Variants in POLR3A observed in about 807,000 individuals in gnomAD.
POLR3A encodes the protein DNA-directed RNA polymerase III subunit RPC1.
POLR3A carries 112 observed loss-of-function variants against 152.8 expected under a neutral mutation model. The observed-to-expected ratio is 0.73, with a 90% CI of 0.63 to 0.86. POLR3A has a LOEUF of 0.86. Among genes scored for constraint, POLR3A ranks in the 40% least tolerant of loss-of-function variants. The pLI, the probability that POLR3A is intolerant of heterozygous loss-of-function variation, is 0.00. For missense variants in POLR3A, 1,385 were observed against 1,743.1 expected (o/e 0.79, Z 3.66); for synonymous variants, 615 against 652.1 (o/e 0.94, Z 0.87).
Position 78,029,485 on chromosome 10 carries a change from C to T in POLR3A, c.-78G>A, listed in dbSNP as rs892664130. ...ACGATGCCCCCAGCACCTCCTGGGG[C>T]TGCTTCTGGACTCGCCGCTAACACA... On this transcript the variant is annotated 5_prime_UTR_variant, in exon 1 of 31. Coordinates refer to ENST00000372371, the MANE Select transcript of POLR3A (RefSeq NM_007055.4). 10 of 1,477,444 alleles carry T rather than the reference C, an allele frequency of 6.8e-6. No individual in the cohort carries two copies. In the East Asian group the frequency reaches 6.8e-5, roughly 10 times the overall value. 91.5% of individuals were successfully genotyped at this position (1,477,444 alleles called of 1,614,324 possible).
chr10:78,013,858 T>C, intron 10 of POLR3A, 68 bp from the exon 11 acceptor site: 1 of 1,597,808 alleles, frequency 6.3e-7, no homozygotes, highest in Non-Finnish European at 8.6e-7. Flanking sequence ...TTCTCTGTTT[T>C]GAAACATTAA....
At chr10:78,012,561 T>G (rs1393267495) in intron 11 of POLR3A, among the ~76,000 whole-genome samples, 1 of 151,962 alleles carries the variant, frequency 6.6e-6, no homozygotes, top group Non-Finnish European at 1.5e-5. Flanking sequence ...GTTCCTAATA[T>G]AGGAAGCTGG....
chr10:77,979,119 TATCTTA>T (rs1422300384), intron 30 of POLR3A, among the ~76,000 whole-genome samples: 1 of 152,220 alleles, frequency 6.6e-6, no homozygotes, highest in African/African-American at 2.4e-5. Flanking sequence ...CACCCTTCTT[TATCTTA>T]AAGACTTATG....
In POLR3A at chr10:78,022,207, T is replaced by A; in HGVS notation, c.823A>T (p.Asn275Tyr). The stretch of plus-strand genomic sequence containing the variant: ...AGTTTCATTGTCAGATCATCTTCAT[T>A]GGTGCCAGACTTCAAATCACTCACA... ...SVVSDLKSGT[N>Y]EDDLTMKLTE... is the part of the protein sequence containing the mutation. The change falls in exon 6 of 31, where the codon AAT (asparagine) becomes TAT (tyrosine). Residue 275 changes from asparagine to tyrosine, a missense_variant. Physicochemically the swap from Asn to Tyr is moderately radical, Grantham distance 143 (BLOSUM62 -2). Transcript: ENST00000372371. The A allele has an allele frequency of 6.2e-7, 1 of 1,614,224 alleles. No homozygotes were observed. The highest frequency in any genetic ancestry group is 8.5e-7 in the Non-Finnish European group (1 of 1,180,018).
At chr10:78,022,066 G>C in intron 6 of POLR3A, 44 bp from the exon 7 acceptor site, 1 of 1,614,116 alleles carries the variant, frequency 6.2e-7, no homozygotes, top group Non-Finnish European at 8.5e-7. Context: ...TGGTCAGTTT[G>C]ATTTTTCTCA....
chr10:77,980,356 A>G, intron 29 of POLR3A, 83 bp from the exon 30 acceptor site: 1 of 1,324,340 alleles, frequency 7.6e-7, no homozygotes. Context: ...CCTTCAATAC[A>G]ATCAACAAAA....
chr10:77,988,610 G>A (rs1847219566), intron 21 of POLR3A, among the ~76,000 whole-genome samples: 1 of 152,174 alleles, frequency 6.6e-6, no homozygotes, highest in African/African-American at 2.4e-5. Flanking sequence ...CTGACACTGT[G>A]TTTTCAGATA....
Position 77,985,584 on chromosome 10 carries a change from C to T in POLR3A, c.3072-244G>A, listed in dbSNP as rs148415222. 2.6e-5 allele frequency among the ~76,000 whole-genome samples: 4 copies of T among 152,318 alleles called. No individual in the cohort carries two copies. In the East Asian group the frequency reaches 7.7e-4, roughly 29 times the overall value. On this transcript the variant is annotated intron_variant, in intron 23 of 30. Transcript: ENST00000372371. ...ATTCTGCATGGCTGCTTGTGGTCAG[C>T]ATGTAATGGATGCAGAAAATCTAAG...
chr10:78,002,087 C>A, intron 17 of POLR3A, 110 bp downstream of exon 17: 1 of 656,434 alleles, frequency 1.5e-6, no homozygotes. Context: ...TTAAAAAGAT[C>A]CCTTAAATAA....
intron 15 of POLR3A, among the ~76,000 whole-genome samples, chr10:78,005,432 G>C (rs1255481257): frequency 6.6e-6 from 1 of 152,214 alleles, no homozygotes; most frequent in Non-Finnish European, 1.5e-5. Flanking sequence ...GGGCAACAGA[G>C]CAAGACCCTG....
intron 16 of POLR3A, 79 bp downstream of exon 16, chr10:78,004,637 C>T: frequency 8.4e-7 from 1 of 1,187,976 alleles, no homozygotes; most frequent in East Asian, 2.5e-5. Flanking sequence ...CTATTCATGG[C>T]TCAGCACAAC....
intron 15 of POLR3A, 133 bp downstream of exon 15, chr10:78,007,569 C>A: frequency 1.3e-6 from 1 of 749,816 alleles, no homozygotes; most frequent in East Asian, 2.6e-5. Context: ...ATGATTTAGC[C>A]TGGAATGAGT....
rs924464836 is a variant in POLR3A, at chr10:78,010,094, G to A, written c.1643-103C>T. Reference sequence around the variant, plus strand: ...AAATTTGAACCATGACCAACAGCGTGAATTGAAACAAACAGCTGCTTACTG... The same window carrying A: ...AAATTTGAACCATGACCAACAGCGTAAATTGAAACAAACAGCTGCTTACTG... On this transcript the variant is annotated intron_variant, in intron 12 of 30. Coordinates refer to ENST00000372371, the MANE Select transcript of POLR3A (RefSeq NM_007055.4). 6.3e-6 allele frequency: 9 copies of A among 1,432,830 alleles called. No individual in the cohort carries two copies. In the Admixed American group the frequency reaches 1.2e-4, roughly 19 times the overall value. 88.8% of individuals were successfully genotyped at this position (1,432,830 alleles called of 1,614,324 possible). A position where few individuals can be genotyped will look rare whatever the true frequency, so the allele number is the denominator to read the frequency against.
chr10:78,012,481 A>G (rs1847475845), intron 11 of POLR3A, among the ~76,000 whole-genome samples: 1 of 152,230 alleles, frequency 6.6e-6, no homozygotes, highest in African/African-American at 2.4e-5. Flanking sequence ...AAACAGGTTA[A>G]AAGCATCACA....
Position 77,982,799 on chromosome 10 carries a change from T to A in POLR3A, c.3448A>T (p.Arg1150Ter). ...LRLEVNAETVRYSICTSKLRV... is the reference protein window; with the variant it reads ...LRLEVNAETV ...AGCTTGGATGTGCAGATGGAATATCTCACTGTCTCAGCGTTCACCTGCAAC... is the reference window on the plus strand; with the variant it reads ...AGCTTGGATGTGCAGATGGAATATCACACTGTCTCAGCGTTCACCTGCAAC... Residue 1150 changes from arginine (R) to a stop codon, truncating the protein, a stop_gained, in exon 27 of 31, where the codon AGA (arginine) becomes TGA (stop). Coordinates refer to ENST00000372371, the MANE Select transcript of POLR3A (RefSeq NM_007055.4). LOFTEE classifies it high-confidence loss of function. 6.2e-7 allele frequency: 1 copy of A among 1,614,040 alleles called. No homozygotes were observed. The highest frequency in any genetic ancestry group is 2.2e-5 in the East Asian group (1 of 44,878).
intron 1 of POLR3A, among the ~76,000 whole-genome samples, chr10:78,027,448 A>G (rs1847647750): frequency 6.6e-6 from 1 of 152,124 alleles, no homozygotes; most frequent in Non-Finnish European, 1.5e-5. Context: ...TCACGAGGCA[A>G]GGAGATTGAG....
intron 21 of POLR3A, among the ~76,000 whole-genome samples, chr10:77,989,913 T>G (rs2131934475): frequency 1.3e-5 from 2 of 152,298 alleles, no homozygotes; most frequent in Admixed American, 1.3e-4. Flanking sequence ...CTTGCCACAC[T>G]CTTGATTTTA....
intron 10 of POLR3A, among the ~76,000 whole-genome samples, chr10:78,015,712 T>G (rs1282973733): frequency 1.3e-5 from 2 of 152,156 alleles, no homozygotes; most frequent in Non-Finnish European, 2.9e-5. Context: ...AGTGGCTATT[T>G]ATAGGCGTGA....
At chr10:78,026,377 A>AT in intron 1 of POLR3A, 148 bp from the exon 2 acceptor site, 1 of 805,458 alleles carries the variant, frequency 1.2e-6, no homozygotes. Context: ...ACCCTCTCTC[A>AT]TTTTTCCTTC....
Sources: allele counts gnomAD v4.1 joint callset (sites outside exome capture counted in the v4.1 genomes callset), GRCh38; gene constraint gnomAD v4.1.1; transcripts MANE v1.5; gene names NCBI Gene and HGNC (gene_info 2026-07-23, HGNC 2026-07-21).